Variants in FOXN3 observed in about 807,000 individuals in gnomAD.
The protein encoded by FOXN3 is forkhead box N3, also known as forkhead box protein N3.
Under a neutral mutation model 38.4 loss-of-function variants are expected in FOXN3, and 7 were observed. That is an observed-to-expected ratio of 0.18 (90% CI 0.10 to 0.34). FOXN3 has a LOEUF of 0.34. Ranked by LOEUF, FOXN3 falls within the 10% of genes least tolerant of loss-of-function variation. The pLI is 1.00. For missense variants in FOXN3, 456 were observed against 613.4 expected, an observed-to-expected ratio of 0.74 and a Z score of 2.71; for synonymous variants, 230 against 242.2, an observed-to-expected ratio of 0.95 and a Z score of 0.47.
intron 1 of FOXN3, among the ~76,000 whole-genome samples, chr14:89,567,985 G>T (rs1895399749): frequency 6.6e-6 from 1 of 152,004 alleles, no homozygotes; most frequent in Non-Finnish European, 1.5e-5. Context: ...GCCTCCCAAA[G>T]TGCTAGGATT....
chr14:89,385,063 A>C (rs1043080308), intron 2 of FOXN3, among the ~76,000 whole-genome samples: 26 of 152,296 alleles, frequency 1.7e-4, no homozygotes, highest in African/African-American at 4.1e-4. Flanking sequence ...CTTGGCTGTC[A>C]GGCACTCAAT....
At chr14:89,442,249 A>T (rs1156811855) in intron 1 of FOXN3, among the ~76,000 whole-genome samples, 1 of 151,906 alleles carries the variant, frequency 6.6e-6, no homozygotes, top group Non-Finnish European at 1.5e-5. Flanking sequence ...CTTTCCAATG[A>T]CACTCAACAT....
intron 2 of FOXN3, among the ~76,000 whole-genome samples, chr14:89,379,563 A>T (rs1890580982): frequency 6.6e-6 from 1 of 152,240 alleles, no homozygotes; most frequent in Admixed American, 6.5e-5. Flanking sequence ...GCTCCAGAGC[A>T]TGAAGAACTA....
chr14:89,234,469 G>A (rs1465453516), intron 4 of FOXN3, among the ~76,000 whole-genome samples: 1 of 152,190 alleles, frequency 6.6e-6, no homozygotes, highest in African/African-American at 2.4e-5. Context: ...TGAAACCCCA[G>A]TGTTGGAGGC....
At chr14:89,579,291 C>T (rs1895698317) in intron 1 of FOXN3, among the ~76,000 whole-genome samples, 1 of 151,596 alleles carries the variant, frequency 6.6e-6, no homozygotes, top group South Asian at 2.1e-4. Flanking sequence ...GCTCGGACCA[C>T]AAGCACATGC....
At chr14:89,261,001 T>C (rs1885781712) in intron 4 of FOXN3, among the ~76,000 whole-genome samples, 1 of 152,212 alleles carries the variant, frequency 6.6e-6, no homozygotes, top group East Asian at 1.9e-4. Context: ...GTCTGCTACC[T>C]GTGTTTGTGT....
In FOXN3 at chr14:89,375,369, AAAAAAGCAAGTTTGCAACAT is replaced by A. The variant is rs1314720442; in HGVS notation, c.544-24581_544-24562del. Among the ~76,000 whole-genome samples the A allele has an allele frequency of 8.0e-4, 122 of 152,336 alleles. 1 individual carries two copies. Among genetic ancestry groups the A allele is most frequent in the African/African-American group, 2.8e-3 (117 of 41,564 alleles). On this transcript the variant is annotated intron_variant, in intron 2 of 5. Transcript: ENST00000557258. ...AAGAAGTACACAAAATAACCTAACT[AAAAAAGCAAGTTTGCAACAT>A]AACCTCACCAGAAAAAAAACTCTTT...
rs889408956 is a variant in FOXN3 at position 89,290,789 on chromosome 14, A to G, written c.681-9775T>C. ...CTTCTGGTCATCAGTGATGTGCCAG[A>G]GCCCTGGTTCTGCAGGGTTAGGCTT... On this transcript the variant is annotated intron_variant, in intron 3 of 5. Coordinates refer to ENST00000557258, the MANE Select transcript of FOXN3 (RefSeq NM_005197.4). The G allele has an allele frequency of 7.6e-5, 21 of 275,264 alleles. No individual in the cohort carries two copies. The Admixed American group carries it at 9.5e-4, about 12-fold the overall frequency. 17.1% of individuals were successfully genotyped at this position (275,264 alleles called of 1,614,324 possible).
At chr14:89,495,256 T>G (rs1893656903) in intron 1 of FOXN3, among the ~76,000 whole-genome samples, 1 of 152,172 alleles carries the variant, frequency 6.6e-6, no homozygotes, top group Non-Finnish European at 1.5e-5. Context: ...CTTGTAGGCT[T>G]TAAAAGTGCA....
intron 1 of FOXN3, among the ~76,000 whole-genome samples, chr14:89,430,664 TTTAA>T (rs1274162426): frequency 1.3e-4 from 20 of 152,320 alleles, no homozygotes; most frequent in African/African-American, 4.1e-4. Flanking sequence ...CTCAAATCTG[TTTAA>T]TTGATTTTTT....
At chr14:89,599,522 A>G (rs1659047411) in intron 1 of FOXN3, among the ~76,000 whole-genome samples, 1 of 152,080 alleles carries the variant, frequency 6.6e-6, no homozygotes, top group South Asian at 2.1e-4. Flanking sequence ...ATTATCTATT[A>G]TCTGGATCTC....
At chr14:89,420,476 C>T (rs1338196796), upstream of FOXN3, among the ~76,000 whole-genome samples, 1 of 152,158 alleles carries the variant, frequency 6.6e-6, no homozygotes, top group Non-Finnish European at 1.5e-5. Flanking sequence ...GGATGCCCAT[C>T]AGAACCATCC....
intron 1 of FOXN3, among the ~76,000 whole-genome samples, chr14:89,584,704 C>T (rs1895810458): frequency 6.6e-6 from 1 of 151,800 alleles, no homozygotes; most frequent in African/African-American, 2.4e-5. Flanking sequence ...CTTTTCTTCT[C>T]TTCTCTTTTC....
At chr14:89,521,823 G>A (rs936774572) in intron 1 of FOXN3, among the ~76,000 whole-genome samples, 4 of 151,926 alleles carry the variant, frequency 2.6e-5, no homozygotes, top group South Asian at 2.1e-4. Flanking sequence ...CCAGGAGTTC[G>A]AGACCAGCCT....
At chr14:89,587,168 G>A (rs1055736596) in intron 1 of FOXN3, among the ~76,000 whole-genome samples, 1 of 152,206 alleles carries the variant, frequency 6.6e-6, no homozygotes, top group Non-Finnish European at 1.5e-5. Flanking sequence ...CCTCTTTTTC[G>A]GGGGAACCCC....
intron 3 of FOXN3, among the ~76,000 whole-genome samples, chr14:89,349,203 T>C (rs1018057224): frequency 1.3e-5 from 2 of 152,182 alleles, no homozygotes; most frequent in Non-Finnish European, 2.9e-5. Context: ...TCTCTTCCAT[T>C]TGGGGAGTGG....
At chr14:89,346,768 C>G (rs960610372) in intron 3 of FOXN3, among the ~76,000 whole-genome samples, 2 of 152,286 alleles carry the variant, frequency 1.3e-5, no homozygotes, top group Admixed American at 6.5e-5. Flanking sequence ...CCACCTCTTT[C>G]AGTGGAGAAA....
chr14:89,555,872 T>TGTGTGGGGGGGGGGGG (rs1426537962), intron 1 of FOXN3, among the ~76,000 whole-genome samples: 1 of 122,214 alleles, frequency 8.2e-6, no homozygotes, highest in Admixed American at 1.0e-4. Flanking sequence ...TGTGTGTGTG[T>TGTGTGGGGGGGGGGGG]GTGTATGTGG....
intron 1 of FOXN3, among the ~76,000 whole-genome samples, chr14:89,606,919 G>A (rs1444940351): frequency 6.6e-6 from 1 of 152,102 alleles, no homozygotes; most frequent in African/African-American, 2.4e-5. Flanking sequence ...AACAATTCTG[G>A]CTTGACTCAA....
Sources: allele counts gnomAD v4.1 joint callset (sites outside exome capture counted in the v4.1 genomes callset), GRCh38; gene constraint gnomAD v4.1.1; transcripts MANE v1.5; gene names NCBI Gene and HGNC (gene_info 2026-07-23, HGNC 2026-07-21).